EYS: variants seen among roughly 807,000 people sequenced by gnomAD.
EYS encodes protein eyes shut homolog.
A neutral mutation model predicts 282.1 loss-of-function variants in EYS; 250 were observed. That is an observed-to-expected ratio of 0.89 (90% CI 0.80 to 0.98). The LOEUF (loss-of-function observed/expected upper bound fraction) is 0.98. EYS is among the 50% of genes least tolerant of loss of function. The pLI is 0.00. For synonymous variants in EYS, 1,355 were observed against 1,282.9 expected (o/e 1.06, Z -1.20); for missense variants, 4,016 against 3,709.0 (o/e 1.08, Z -2.15).
intron 22 of EYS, among the ~76,000 whole-genome samples, chr6:64,691,193 TTAG>T: frequency 6.6e-6 from 1 of 152,282 alleles, no homozygotes; most frequent in South Asian, 2.1e-4. Flanking sequence ...GCATGTAACA[TTAG>T]ATTTCATAGT....
intron 28 of EYS, among the ~76,000 whole-genome samples, chr6:64,390,715 G>A (rs1419291618): frequency 2.0e-4 from 30 of 150,898 alleles, no homozygotes; most frequent in East Asian, 1.6e-3. Context: ...AAAGCAGAGC[G>A]CCTCTCCTCC....
chr6:65,331,034 C>T, intron 11 of EYS: 1 of 983,968 alleles, frequency 1.0e-6, no homozygotes, highest in Non-Finnish European at 1.2e-6. Flanking sequence ...ATTTTTTTTC[C>T]TTTAAAGGCA....
intron 29 of EYS, among the ~76,000 whole-genome samples, chr6:64,381,984 G>T (rs1172051880): frequency 1.3e-5 from 2 of 152,070 alleles, no homozygotes; most frequent in African/African-American, 2.4e-5. Context: ...CCATATCAAA[G>T]AATCCAGTGG....
chr6:63,935,153 C>G (rs932193424), intron 35 of EYS, among the ~76,000 whole-genome samples: 3 of 152,182 alleles, frequency 2.0e-5, no homozygotes, highest in Non-Finnish European at 4.4e-5. Context: ...GTTTTTCTGG[C>G]TTTCCCCTCC....
At chr6:64,414,457 C>T (rs1774002228) in intron 28 of EYS, among the ~76,000 whole-genome samples, 1 of 152,056 alleles carries the variant, frequency 6.6e-6, no homozygotes, top group African/African-American at 2.4e-5. Context: ...GTTCCAGCAT[C>T]TTATATCAGA....
In EYS at chr6:65,232,324, G is replaced by A. The variant is rs528119937; in HGVS notation, c.2023+63539C>T. 1.1e-4 allele frequency among the ~76,000 whole-genome samples: 17 copies of A among 152,074 alleles called. No homozygotes were observed. In the South Asian group the frequency reaches 1.7e-3, roughly 15 times the overall value. On this transcript the variant is annotated intron_variant, in intron 12 of 42. Coordinates refer to ENST00000503581, the MANE Select transcript of EYS (RefSeq NM_001142800.2). ...AATATTTGATTTCCCATCAAATCACGCATGTGGTACTTTCGGAGAACAAAT... is the reference window on the plus strand; with the variant it reads ...AATATTTGATTTCCCATCAAATCACACATGTGGTACTTTCGGAGAACAAAT...
intron 29 of EYS, among the ~76,000 whole-genome samples, chr6:64,333,420 C>T (rs1001212286): frequency 6.6e-6 from 1 of 152,078 alleles, no homozygotes; most frequent in African/African-American, 2.4e-5. Flanking sequence ...AGCAGAGCCA[C>T]CAAGGCCGTA....
intron 8 of EYS, among the ~76,000 whole-genome samples, chr6:65,356,825 T>C (rs1421759033): frequency 2.0e-5 from 3 of 152,050 alleles, no homozygotes; most frequent in African/African-American, 7.2e-5. Context: ...ATGTAGAGGC[T>C]AGGAGTGTTG....
chr6:65,541,092 T>TA lies in EYS; in HGVS notation c.-332-45100_-332-45099insT, dbSNP rs200153125. On this transcript the variant is annotated intron_variant, in intron 2 of 42. Transcript: ENST00000503581. ...CATCTTCAATCTTGCTGACACTTTT[T>TA]TTCCTGTTGGCCTCATATTCCTTTT... Among the ~76,000 whole-genome samples the TA allele has an allele frequency of 2.2e-3, 334 of 151,868 alleles. 1 individual carries two copies. Among genetic ancestry groups the TA allele is most frequent in the African/African-American group, 7.8e-3 (321 of 41,380 alleles).
chr6:64,649,704 C>T (rs774759307), intron 22 of EYS, among the ~76,000 whole-genome samples: 1 of 152,058 alleles, frequency 6.6e-6, no homozygotes, highest in Non-Finnish European at 1.5e-5. Flanking sequence ...TCTATTTTAC[C>T]ATCACTAATT....
chr6:65,383,165 A>G (rs1765680483), intron 8 of EYS, among the ~76,000 whole-genome samples: 1 of 152,052 alleles, frequency 6.6e-6, no homozygotes, highest in Admixed American at 6.6e-5. Context: ...AAGAAAGGAC[A>G]TCATAAAATA....
At chr6:65,195,998 C>T (rs1582005278) in intron 12 of EYS, among the ~76,000 whole-genome samples, 1 of 152,004 alleles carries the variant, frequency 6.6e-6, no homozygotes, top group Non-Finnish European at 1.5e-5. Context: ...ATTATTTCAA[C>T]CTTCAGTGGA....
chr6:64,990,639 T>C (rs772795756), intron 14 of EYS, among the ~76,000 whole-genome samples: 1 of 151,600 alleles, frequency 6.6e-6, no homozygotes, highest in Non-Finnish European at 1.5e-5. Flanking sequence ...AATCTGAAAA[T>C]GGAAAATTCC....
At chr6:65,496,239 G>T (rs760397384) in intron 2 of EYS, among the ~76,000 whole-genome samples, 1 of 151,946 alleles carries the variant, frequency 6.6e-6, no homozygotes, top group Non-Finnish European at 1.5e-5. Context: ...GTAATGAAAA[G>T]ATTATAAATA....
At chr6:63,821,114 A>G (rs1771311510) in intron 36 of EYS, 1 of 151,790 alleles carries the variant, frequency 6.6e-6, no homozygotes, top group Non-Finnish European at 1.5e-5. Context: ...TAATATTATT[A>G]AAGTTTTATA....
chr6:65,515,656 T>C (rs1387671604), intron 2 of EYS, among the ~76,000 whole-genome samples: 11 of 151,166 alleles, frequency 7.3e-5, no homozygotes, highest in South Asian at 2.1e-4. Flanking sequence ...ATGGATGAAA[T>C]TGGAAATCAT....
At chr6:64,129,511 T>C (rs1241393134) in intron 31 of EYS, among the ~76,000 whole-genome samples, 1 of 152,234 alleles carries the variant, frequency 6.6e-6, no homozygotes, top group Non-Finnish European at 1.5e-5. Context: ...TTTGAGTTCA[T>C]TGCAGATTCT....
chr6:64,943,404 C>A (rs1769165497), intron 15 of EYS, among the ~76,000 whole-genome samples: 1 of 152,042 alleles, frequency 6.6e-6, no homozygotes, highest in South Asian at 2.1e-4. Flanking sequence ...ATAAGTCAAA[C>A]TATCTCTCCT....
chr6:64,073,428 C>A (rs190204508), intron 32 of EYS, among the ~76,000 whole-genome samples: 171 of 151,682 alleles, frequency 1.1e-3, no homozygotes, highest in African/African-American at 4.0e-3. Context: ...TCATGTAACC[C>A]TAGGATTCTA....
Sources: gnomAD v4.1 joint callset for allele counts (sites outside exome capture counted in the v4.1 genomes callset) on GRCh38, gnomAD v4.1.1 for gene constraint, MANE v1.5 for transcripts, NCBI Gene and HGNC (gene_info 2026-07-23, HGNC 2026-07-21) for gene names.